Variants in AFF4 observed in about 807,000 individuals in gnomAD.
AFF4 encodes ALF transcription elongation factor 4, also known as AF4/FMR2 family member 4.
A neutral mutation model predicts 124.8 loss-of-function variants in AFF4; 13 were observed. That is an observed-to-expected ratio of 0.10 (90% confidence interval 0.07 to 0.17). The LOEUF (loss-of-function observed/expected upper bound fraction) is 0.17. AFF4 is among the 10% of genes least tolerant of loss of function. The pLI, the probability that AFF4 is intolerant of heterozygous loss-of-function variation, is 1.00. For synonymous variants in AFF4, 477 were observed against 496.1 expected, an observed-to-expected ratio of 0.96 and a Z score of 0.51; for missense variants, 1,092 against 1,403.8, an observed-to-expected ratio of 0.78 and a Z score of 3.55.
rs550082718 is a variant in AFF4, at chr5:132,881,310, G to C, written c.3365-124C>G. 1.0e-5 allele frequency: 10 copies of C among 1,001,752 alleles called. No homozygotes were observed. The South Asian group carries it at 1.8e-4, about 18-fold the overall frequency. 62.1% of individuals were successfully genotyped at this position (1,001,752 alleles called of 1,614,324 possible). A position where few individuals can be genotyped will look rare whatever the true frequency, so the allele number is the denominator to read the frequency against. Reference sequence around the variant, plus strand: ...AAAATACCTCCTCCTACACTAAAATGCTTACTGTCCATGTTTTAGAGCAAA... The same window carrying C: ...AAAATACCTCCTCCTACACTAAAATCCTTACTGTCCATGTTTTAGAGCAAA... On this transcript the variant is annotated intron_variant, in intron 20 of 20. Transcript: ENST00000265343.
In AFF4 at chr5:132,952,770, T is replaced by A. The variant is rs116880486; in HGVS notation, c.-5+10489A>T. On this transcript the variant is annotated intron_variant, in intron 1 of 20. Transcript: ENST00000265343. ...AAAATTAACTGGGCATAGTGGTGCA[T>A]GCCTGTAATTCCACCTACTCGAGAG... Among the ~76,000 whole-genome samples, 80 of 152,194 alleles carry A rather than the reference T, an allele frequency of 5.3e-4. 4 individuals carry two copies. The East Asian group carries it at 0.015, about 29-fold the overall frequency.
chr5:132,876,223 C>T lies in AFF4; in HGVS notation c.*4836G>A, dbSNP rs1003858165. On this transcript the variant is annotated 3_prime_UTR_variant, in exon 21 of 21. Coordinates refer to ENST00000265343, the MANE Select transcript of AFF4 (RefSeq NM_014423.4). ...TACCCCCACCCCACCCATCCCAGTA[C>T]TGTTGAATGCTCATGTTAATGATTT... 2.3e-5 allele frequency: 4 copies of T among 171,916 alleles called. No homozygotes were observed. The highest frequency in any genetic ancestry group is 1.1e-4 in the East Asian group (1 of 8,930). 10.6% of individuals were successfully genotyped at this position (171,916 alleles called of 1,614,324 possible).
rs1762123988 is a variant in AFF4 at position 132,963,290 on chromosome 5, TCTC to T, written c.-39_-37del. On this transcript the variant is annotated 5_prime_UTR_variant, in exon 1 of 21. Transcript: ENST00000265343. ...TCCCGGCTCCGCTAGGCCCGAACCA[TCTC>T]CTGGCTGCGGCAGTGGCGGCGCCGG... 1 of 394,910 alleles carries T rather than the reference TCTC, an allele frequency of 2.5e-6. No homozygotes were observed. Among genetic ancestry groups the T allele is most frequent in the Admixed American group, 4.4e-5 (1 of 22,570 alleles). 24.5% of individuals were successfully genotyped at this position (394,910 alleles called of 1,614,324 possible).
chr5:132,927,805 G>T (rs1761213354), intron 4 of AFF4, among the ~76,000 whole-genome samples: 1 of 152,000 alleles, frequency 6.6e-6, no homozygotes, highest in African/African-American at 2.4e-5. Flanking sequence ...TTTGTCAGGG[G>T]AAGAAATCAG....
At chr5:132,923,097 A>T (rs1330932292) in intron 5 of AFF4, among the ~76,000 whole-genome samples, 1 of 151,090 alleles carries the variant, frequency 6.6e-6, no homozygotes, top group East Asian at 2.0e-4. Context: ...AATCACTTGA[A>T]CCTGGTAGGC....
At chr5:132,937,971 C>G (rs1370550744) in intron 1 of AFF4, among the ~76,000 whole-genome samples, 1 of 152,026 alleles carries the variant, frequency 6.6e-6, no homozygotes, top group African/African-American at 2.4e-5. Flanking sequence ...AGAAATACAG[C>G]CAATTTATAG....
rs1046143835 is a variant in AFF4, at chr5:132,933,418, A to G, written c.918+729T>C. 5.4e-4 allele frequency among the ~76,000 whole-genome samples: 82 copies of G among 151,856 alleles called. 5 individuals are homozygous for G. The stretch of plus-strand genomic sequence containing the variant: ...AACTCAAAAAAAAAAAAAGAGAGAG[A>G]TAAAATTTGGGCCAGGCATGATGGT... On this transcript the variant is annotated intron_variant, in intron 3 of 20. Coordinates refer to ENST00000265343, the MANE Select transcript of AFF4 (RefSeq NM_014423.4).
At chr5:132,921,191 A>G (rs1254493732) in intron 5 of AFF4, among the ~76,000 whole-genome samples, 1 of 152,088 alleles carries the variant, frequency 6.6e-6, no homozygotes, top group East Asian at 1.9e-4. Flanking sequence ...CACTGCACCA[A>G]AGATGGGCAA....
intron 1 of AFF4, chr5:132,948,382 G>A (rs1429836907): frequency 6.6e-6 from 1 of 152,104 alleles, no homozygotes; most frequent in Non-Finnish European, 1.5e-5. Context: ...GAAGTTCTGT[G>A]ACTCCCCACA....
At chr5:132,955,549 C>T (rs1000416604) in intron 1 of AFF4, among the ~76,000 whole-genome samples, 10 of 152,044 alleles carry the variant, frequency 6.6e-5, no homozygotes, top group African/African-American at 1.9e-4. Flanking sequence ...GAGGCCAAGG[C>T]GGGCAGATCA....
Position 132,897,235 on chromosome 5 carries a change from T to C in AFF4, c.1395A>G (p.Glu465=), listed in dbSNP as rs1760429646. 2 of 1,611,192 alleles carry C rather than the reference T, an allele frequency of 1.2e-6. No individual in the cohort carries two copies. Among genetic ancestry groups the C allele is most frequent in the African/African-American group, 1.3e-5 (1 of 74,846 alleles). Residue 465 remains glutamate, a synonymous_variant, in exon 11 of 21, where the codon GAA becomes GAG. Transcript: ENST00000265343. ...GTTGCCATTTGTTTGTTGGCGGGGG[T>C]TCAGGCTGAAAAACAGAGAAATATG... ...EPSQSASPEP[E]PPPTNKWQLD...
chr5:132,925,834 G>A (rs1399240399), intron 5 of AFF4, among the ~76,000 whole-genome samples: 2 of 152,176 alleles, frequency 1.3e-5, no homozygotes, highest in Non-Finnish European at 2.9e-5. Flanking sequence ...ACTATGGAAG[G>A]AATTTGTGAG....
chr5:132,896,409 T>C lies in AFF4; in HGVS notation c.2221A>G (p.Lys741Glu). 6.2e-7 allele frequency: 1 copy of C among 1,613,994 alleles called. No homozygotes were observed. Residue 741 changes from lysine to glutamate, a missense_variant, in exon 11 of 21, where the codon AAG becomes GAG. By Grantham distance (56) the Lys-to-Glu change is moderately conservative. Around this residue, in one of 11 missense-constraint regions of AFF4, gnomAD observed 293 missense variants for 280.2 expected, o/e 1.05. Coordinates refer to ENST00000265343, the MANE Select transcript of AFF4 (RefSeq NM_014423.4). ...YKETEPPKGE[K>E]KNVPEKHTRE... ...GTGTGCTTTTCTGGCACATTTTTCT[T>C]TTCCCCCTTGGGCGGCTCTGTTTCT...
intron 5 of AFF4, among the ~76,000 whole-genome samples, chr5:132,909,939 G>A (rs1247622770): frequency 6.6e-6 from 1 of 152,194 alleles, no homozygotes; most frequent in Non-Finnish European, 1.5e-5. Flanking sequence ...TAGGTAAAGA[G>A]GTTCTAGGTA....
chr5:132,916,325 G>A (rs1393265761), intron 5 of AFF4, among the ~76,000 whole-genome samples: 3 of 151,174 alleles, frequency 2.0e-5, no homozygotes, highest in South Asian at 2.1e-4. Context: ...TGCTTTGAGA[G>A]GCTTAGACAG....
At chr5:132,931,527 G>A (rs1370795476) in intron 4 of AFF4, among the ~76,000 whole-genome samples, 2 of 152,230 alleles carry the variant, frequency 1.3e-5, no homozygotes, top group African/African-American at 4.8e-5. Flanking sequence ...TGATCATAAT[G>A]GTTTGACTGA....
chr5:132,963,220 C>T, intron 1 of AFF4, 39 bp downstream of exon 1: 1 of 388,604 alleles, frequency 2.6e-6, no homozygotes, highest in Non-Finnish European at 4.5e-6. Flanking sequence ...ACCCCCGCGG[C>T]CCGGCCCGGC....
At chr5:132,912,256 T>C (rs1760808672) in intron 5 of AFF4, among the ~76,000 whole-genome samples, 1 of 151,736 alleles carries the variant, frequency 6.6e-6, no homozygotes, top group Non-Finnish European at 1.5e-5. Context: ...GAGGCAGAAT[T>C]GCTTGAACCA....
chr5:132,937,180 C>T lies in AFF4; in HGVS notation c.10G>A (p.Glu4Lys). 6.2e-7 allele frequency: 1 copy of T among 1,611,590 alleles called. No individual in the cohort carries two copies. The change falls in exon 2 of 21, where the codon GAA becomes AAA. Residue 4 changes from glutamate (E) to lysine (K), a missense_variant. Physicochemically the swap from Glu to Lys is moderately conservative, Grantham distance 56 (BLOSUM62 1). Transcript: ENST00000265343. ...TTCATACGCAGCACATTCCGGTCTT[C>T]ACGGTTCATGTTGCTATGAAAAGAA... MNR[E>K]DRNVLRMKER...
Sources: allele counts gnomAD v4.1 joint callset (sites outside exome capture counted in the v4.1 genomes callset), GRCh38; gene constraint gnomAD v4.1.1; regional missense constraint gnomAD v4.1.1; transcripts MANE v1.5; gene names NCBI Gene and HGNC (gene_info 2026-07-23, HGNC 2026-07-21).